The following FBXO30 variants were observed in gnomAD, a reference collection of about 807,000 sequenced individuals.
The protein encoded by FBXO30 is F-box protein 30, also known as F-box only protein 30.
FBXO30 carries 21 observed loss-of-function variants against 58.1 expected under a neutral mutation model. The observed-to-expected ratio is 0.36, with a 90% CI of 0.26 to 0.52. The LOEUF (loss-of-function observed/expected upper bound fraction) is 0.52. Among genes scored for constraint, FBXO30 ranks in the 20% least tolerant of loss-of-function variants. FBXO30 has a pLI of 0.93. For synonymous variants in FBXO30, 309 were observed against 312.4 expected (o/e 0.99, Z 0.11); for missense variants, 744 against 897.3 (o/e 0.83, Z 2.18).
At chr6:145,812,954 C>A (rs558999973) in intron 1 of FBXO30, among the ~76,000 whole-genome samples, 1 of 152,234 alleles carries the variant, frequency 6.6e-6, no homozygotes, top group Non-Finnish European at 1.5e-5. Flanking sequence ...GTACTAACTC[C>A]TTCTATCAAA....
Position 145,806,145 on chromosome 6 carries a change from C to A in FBXO30, c.261G>T (p.Val87=). 2 of 1,614,084 alleles carry A rather than the reference C, an allele frequency of 1.2e-6. No individual in the cohort carries two copies. The highest frequency in any genetic ancestry group is 1.1e-5 in the South Asian group (1 of 91,080). Residue 87 remains valine (V), a synonymous_variant, in exon 2 of 3, where the codon GTG becomes GTT. Coordinates refer to ENST00000237281, the MANE Select transcript of FBXO30 (RefSeq NM_032145.5). Reference sequence around the variant, plus strand: ...GATTCCATTCCATAGTACAGCACACCACACTTGCAGGACACATTTCTAGAT... The same window carrying A: ...GATTCCATTCCATAGTACAGCACACAACACTTGCAGGACACATTTCTAGAT... The part of the protein sequence containing the change: ...AEHLEMCPAS[V]VCCTMEWNRW...
In FBXO30 at chr6:145,797,780, G is replaced by A. The variant is rs1383111543; in HGVS notation, c.*2326C>T. On this transcript the variant is annotated 3_prime_UTR_variant, in exon 3 of 3. Transcript: ENST00000237281. ...GAATTCAAATACTTCCCTCCATCCC[G>A]ATGCTTGCCTTTTACCTTGCTATTT... 4.6e-5 allele frequency: 7 copies of A among 152,000 alleles called. No homozygotes were observed. In the South Asian group the frequency reaches 6.2e-4, roughly 13 times the overall value. The allele number at this position is 152,000 out of a possible 1,614,324, so 9.4% of individuals were successfully genotyped here.
chr6:145,806,668 T>A (rs1778180082), intron 1 of FBXO30, among the ~76,000 whole-genome samples: 1 of 152,192 alleles, frequency 6.6e-6, no homozygotes, highest in Admixed American at 6.5e-5. Flanking sequence ...ATATACTATA[T>A]AACAATATGC....
At chr6:145,810,726 T>G (rs560781353) in intron 1 of FBXO30, among the ~76,000 whole-genome samples, 2 of 152,292 alleles carry the variant, frequency 1.3e-5, no homozygotes, top group African/African-American at 4.8e-5. Context: ...AAAAAAGCAT[T>G]TTTAAAAAAT....
At position 145,806,416 on chromosome 6, in the gene FBXO30, C is replaced by T; in HGVS notation, c.-11G>A. On this transcript the variant is annotated 5_prime_UTR_variant, in exon 2 of 3. Coordinates refer to ENST00000237281, the MANE Select transcript of FBXO30 (RefSeq NM_032145.5). ...CAGCTCCTCCTCCATAATGGCCAGT[C>T]CAGCTCTGGTTGATGAAATGGAAAA... 6.2e-7 allele frequency: 1 copy of T among 1,606,538 alleles called. No individual in the cohort carries two copies. The highest frequency in any genetic ancestry group is 8.5e-7 in the Non-Finnish European group (1 of 1,177,430).
At chr6:145,802,972 G>A (rs1200789827) in intron 2 of FBXO30, among the ~76,000 whole-genome samples, 2 of 152,120 alleles carry the variant, frequency 1.3e-5, no homozygotes, top group East Asian at 3.9e-4. Flanking sequence ...GGGGAGGACT[G>A]GAGTAGGTTG....
intron 1 of FBXO30, among the ~76,000 whole-genome samples, chr6:145,813,747 G>T (rs1270679940): frequency 6.6e-6 from 1 of 152,098 alleles, no homozygotes; most frequent in Non-Finnish European, 1.5e-5. Flanking sequence ...CTTCATCTTG[G>T]ATCAGAGTCA....
At chr6:145,813,830 A>G (rs1778415446) in intron 1 of FBXO30, among the ~76,000 whole-genome samples, 1 of 152,190 alleles carries the variant, frequency 6.6e-6, no homozygotes, top group African/African-American at 2.4e-5. Context: ...ACAGGGCTCA[A>G]TAAGAAAAAC....
At chr6:145,806,937 AT>A (rs1778190852) in intron 1 of FBXO30, among the ~76,000 whole-genome samples, 1 of 152,168 alleles carries the variant, frequency 6.6e-6, no homozygotes, top group Non-Finnish European at 1.5e-5. Flanking sequence ...TTCATTTAAG[AT>A]TTCATCTATT....
At chr6:145,809,175 T>C (rs1368878590) in intron 1 of FBXO30, among the ~76,000 whole-genome samples, 1 of 152,208 alleles carries the variant, frequency 6.6e-6, no homozygotes, top group Admixed American at 6.5e-5. Context: ...CATACTAAAA[T>C]AGTCATATAG....
At chr6:145,809,417 C>A (rs1416510873) in intron 1 of FBXO30, among the ~76,000 whole-genome samples, 1 of 152,162 alleles carries the variant, frequency 6.6e-6, no homozygotes, top group African/African-American at 2.4e-5. Context: ...AACCAGTGCT[C>A]TCAGAAGTTT....
At chr6:145,810,417 T>A (rs79576827) in intron 1 of FBXO30, among the ~76,000 whole-genome samples, 3,030 of 152,242 alleles carry the variant, frequency 0.02, 41 homozygotes, top group Admixed American at 0.031. Context: ...GTAAAACAGG[T>A]TTAAAAACAT....
chr6:145,805,662 A>G lies in FBXO30; in HGVS notation c.744T>C (p.Gly248=), dbSNP rs773254998. 7.4e-6 allele frequency: 12 copies of G among 1,614,036 alleles called. No individual in the cohort carries two copies. In the South Asian group the frequency reaches 1.3e-4, roughly 18 times the overall value. ...GATTTGTGTCATTGTAGTCAATTCC[A>G]CCTACTGCTCCTATTTCCTCCTCAT... ...HLYEEEIGAV[G]GIDYNDTNQN... The change falls in exon 2 of 3, where the codon GGT becomes GGC. Residue 248 remains glycine (G), a synonymous_variant. Transcript: ENST00000237281.
At position 145,806,356 on chromosome 6, in the gene FBXO30, C is replaced by T. The variant is rs770720257; in HGVS notation, c.50G>A (p.Arg17Gln). 6.2e-6 allele frequency: 10 copies of T among 1,613,872 alleles called. No individual in the cohort carries two copies. The South Asian group carries it at 9.9e-5, about 16-fold the overall frequency. The change falls in exon 2 of 3, where the codon CGG becomes CAG. Residue 17 changes from arginine to glutamine, a missense_variant. Coordinates refer to ENST00000237281, the MANE Select transcript of FBXO30 (RefSeq NM_032145.5). ...HSHCVNCVSR[R>Q]CMTRPEPGIS... Reference sequence around the variant, plus strand: ...CCCTGGCTCTGGCCTGGTCATGCACCGTCTACTGACACAATTCACACAATG... The same window carrying T: ...CCCTGGCTCTGGCCTGGTCATGCACTGTCTACTGACACAATTCACACAATG...
chr6:145,800,347 T>A (rs775893546), intron 2 of FBXO30, 38 bp from the exon 3 acceptor site: 1 of 1,562,112 alleles, frequency 6.4e-7, no homozygotes, highest in Non-Finnish European at 8.8e-7. Flanking sequence ...AACAAGTCAA[T>A]GTGTAGAGAA....
Position 145,797,048 on chromosome 6 carries a change from A to G in FBXO30, c.*3058T>C, listed in dbSNP as rs1043418385. 1 of 151,912 alleles carries G rather than the reference A, an allele frequency of 6.6e-6. No individual in the cohort carries two copies. Among genetic ancestry groups the G allele is most frequent in the Non-Finnish European group, 1.5e-5 (1 of 67,900 alleles). 9.4% of individuals were successfully genotyped at this position (151,912 alleles called of 1,614,324 possible). ...AATATTTTTTGTAGGATTTAATCCA[A>G]TATTTGTCTACTTCTACTCTTTGAT... On this transcript the variant is annotated 3_prime_UTR_variant, in exon 3 of 3. Transcript: ENST00000237281.
At position 145,796,532 on chromosome 6, in the gene FBXO30, G is replaced by C. The variant is rs150376969; in HGVS notation, c.*3574C>G. The C allele has an allele frequency of 2.0e-5, 3 of 152,088 alleles. No homozygotes were observed. Among genetic ancestry groups the C allele is most frequent in the Non-Finnish European group, 4.4e-5 (3 of 67,888 alleles). The allele number at this position is 152,088 out of a possible 1,614,324, so 9.4% of individuals were successfully genotyped here. On this transcript the variant is annotated 3_prime_UTR_variant, in exon 3 of 3. Coordinates refer to ENST00000237281, the MANE Select transcript of FBXO30 (RefSeq NM_032145.5). ...ATTCTTTCCATCAAAAGTCTGTCCA[G>C]AGAATGAGGGCCAATTGCTTTCTCT...
intron 2 of FBXO30, among the ~76,000 whole-genome samples, chr6:145,802,751 A>C (rs1778043039): frequency 6.6e-6 from 1 of 152,060 alleles, no homozygotes; most frequent in Non-Finnish European, 1.5e-5. Flanking sequence ...ACCCAGTTAG[A>C]AGGAAGCTGT....
At chr6:145,813,371 A>T (rs1778387768) in intron 1 of FBXO30, among the ~76,000 whole-genome samples, 1 of 152,184 alleles carries the variant, frequency 6.6e-6, no homozygotes, top group African/African-American at 2.4e-5. Context: ...AGGTAAAAAC[A>T]AATTGGCAAT....
Sources: gnomAD v4.1 joint callset for allele counts (sites outside exome capture counted in the v4.1 genomes callset) on GRCh38, gnomAD v4.1.1 for gene constraint, MANE v1.5 for transcripts, NCBI Gene and HGNC (gene_info 2026-07-23, HGNC 2026-07-21) for gene names.